The following BRINP2 variants were observed in gnomAD, a reference collection of about 807,000 sequenced individuals.
BRINP2 encodes the protein BMP/retinoic acid-inducible neural-specific protein 2.
BRINP2 carries 21 observed loss-of-function variants against 69.2 expected under a neutral mutation model. The observed-to-expected ratio is 0.30, with a 90% CI of 0.22 to 0.44. BRINP2 has a LOEUF of 0.44. BRINP2 is among the 20% of genes least tolerant of loss of function. The probability of loss-of-function intolerance (pLI) is 1.00; values close to 1 mark genes in which losing one functional copy is unlikely to be tolerated. For synonymous variants in BRINP2, 380 were observed against 394.1 expected (o/e 0.96, Z 0.42); for missense variants, 877 against 986.0 (o/e 0.89, Z 1.48).
At chr1:177,207,739 T>C (rs896940977) in intron 1 of BRINP2, among the ~76,000 whole-genome samples, 6 of 152,174 alleles carry the variant, frequency 3.9e-5, no homozygotes, top group African/African-American at 1.4e-4. Flanking sequence ...TGGTTACAGT[T>C]TCTCTCTGGT....
Position 177,174,246 on chromosome 1 carries a change from T to G in BRINP2, c.-77+2514T>G, listed in dbSNP as rs1401442674. Among the ~76,000 whole-genome samples the G allele has an allele frequency of 3.9e-5, 6 of 152,326 alleles. No homozygotes were observed. The Middle Eastern group carries it at 0.017, about 432-fold the overall frequency. On this transcript the variant is annotated intron_variant, in intron 1 of 7. Coordinates refer to ENST00000361539, the MANE Select transcript of BRINP2 (RefSeq NM_021165.4). ...CACTGCTCCTGAACCAACCCCAGAC[T>G]CCATGGGCTTCTTCTAAGGAATGGT...
chr1:177,191,713 C>T (rs1648601180), intron 1 of BRINP2, among the ~76,000 whole-genome samples: 1 of 152,154 alleles, frequency 6.6e-6, no homozygotes, highest in Non-Finnish European at 1.5e-5. Flanking sequence ...CTCGGCCTCA[C>T]AAAGTGCTGG....
intron 1 of BRINP2, among the ~76,000 whole-genome samples, chr1:177,195,861 A>G (rs1465903549): frequency 6.6e-6 from 1 of 152,134 alleles, no homozygotes; most frequent in Non-Finnish European, 1.5e-5. Context: ...ATAGGCCAAG[A>G]GCAAAAAAAC....
At chr1:177,207,011 T>G (rs1200303713) in intron 1 of BRINP2, among the ~76,000 whole-genome samples, 1 of 152,168 alleles carries the variant, frequency 6.6e-6, no homozygotes, top group African/African-American at 2.4e-5. Context: ...CAGCTAATGA[T>G]TCCACACATA....
At chr1:177,229,249 G>T (rs927766684) in intron 1 of BRINP2, among the ~76,000 whole-genome samples, 6 of 152,178 alleles carry the variant, frequency 3.9e-5, no homozygotes, top group Non-Finnish European at 8.8e-5. Context: ...AGAAGGAAGT[G>T]ATTGCCCACA....
Position 177,278,733 on chromosome 1 carries a change from A to C in BRINP2, c.1183A>C (p.Asn395His), listed in dbSNP as rs779410878. Residue 395 changes from asparagine to histidine, a missense_variant, in exon 7 of 8, where the codon AAC (asparagine) becomes CAC (histidine). Asn to His is a moderately conservative substitution (Grantham distance 68). Coordinates refer to ENST00000361539, the MANE Select transcript of BRINP2 (RefSeq NM_021165.4). Reference protein sequence around the residue: ...KTHRILRRLFNLCKRCHRQPR... With the variant: ...KTHRILRRLFHLCKRCHRQPR... ...CCATCGGATCCTACGCCGGCTCTTC[A>C]ACCTCTGCAAGCGCTGCCATCGCCA... 143 of 1,614,046 alleles carry C rather than the reference A, an allele frequency of 8.9e-5. No homozygotes were observed. Among genetic ancestry groups the C allele is most frequent in the Admixed American group, 2.7e-4 (16 of 59,998 alleles).
intron 1 of BRINP2, among the ~76,000 whole-genome samples, chr1:177,212,542 C>G (rs1438614017): frequency 6.7e-6 from 1 of 148,662 alleles, no homozygotes; most frequent in Non-Finnish European, 1.5e-5. Context: ...AAGACTCTGT[C>G]TCAAAAAAAA....
At chr1:177,175,740 C>A (rs1648070321) in intron 1 of BRINP2, among the ~76,000 whole-genome samples, 1 of 152,222 alleles carries the variant, frequency 6.6e-6, no homozygotes, top group Non-Finnish European at 1.5e-5. Flanking sequence ...ATTCGGGGAA[C>A]AGGTCTCAAA....
intron 2 of BRINP2, among the ~76,000 whole-genome samples, chr1:177,232,173 C>G (rs1220618656): frequency 6.6e-6 from 1 of 152,212 alleles, no homozygotes; most frequent in African/African-American, 2.4e-5. Context: ...TAACACCACT[C>G]TCCACTTCAA....
At chr1:177,200,293 CAAAAAAAAAAA>C (rs35619503) in intron 1 of BRINP2, among the ~76,000 whole-genome samples, 16 of 34,812 alleles carry the variant, frequency 4.6e-4, no homozygotes, top group Admixed American at 1.8e-3. Flanking sequence ...AACTCTGTCT[CAAAAAAAAAAA>C]AAAAAAAAAA....
At chr1:177,279,554 G>A (rs970179462) in intron 7 of BRINP2, among the ~76,000 whole-genome samples, 1 of 152,194 alleles carries the variant, frequency 6.6e-6, no homozygotes, top group Non-Finnish European at 1.5e-5. Flanking sequence ...AGGCAAAGGA[G>A]CTGCCTTCAC....
At chr1:177,196,142 A>G (rs1648736891) in intron 1 of BRINP2, among the ~76,000 whole-genome samples, 1 of 152,232 alleles carries the variant, frequency 6.6e-6, no homozygotes, top group Non-Finnish European at 1.5e-5. Context: ...TGGTCAGGAC[A>G]ATGACTGATA....
intron 4 of BRINP2, among the ~76,000 whole-genome samples, chr1:177,261,017 C>A (rs1650931943): frequency 6.6e-6 from 1 of 151,974 alleles, no homozygotes; most frequent in South Asian, 2.1e-4. Flanking sequence ...TAGGGAAGAC[C>A]TGTCCAAGGA....
At position 177,183,883 on chromosome 1, in the gene BRINP2, C is replaced by T. The variant is rs57639532; in HGVS notation, c.-77+12151C>T. Among the ~76,000 whole-genome samples the T allele has an allele frequency of 9.1e-4, 139 of 152,222 alleles. 2 individuals carry two copies. In the East Asian group the frequency reaches 0.026, roughly 29 times the overall value. The stretch of plus-strand genomic sequence containing the variant: ...CTGAAAAGGGAATCCCACATGTTTT[C>T]CATTACTGCTAGATAGGGAAAAGAG... On this transcript the variant is annotated intron_variant, in intron 1 of 7. Coordinates refer to ENST00000361539, the MANE Select transcript of BRINP2 (RefSeq NM_021165.4).
chr1:177,194,958 A>G (rs761496530), intron 1 of BRINP2, among the ~76,000 whole-genome samples: 3 of 152,134 alleles, frequency 2.0e-5, no homozygotes, highest in Non-Finnish European at 4.4e-5. Context: ...ACTTCTACCC[A>G]TTCATTAATT....
intron 1 of BRINP2, among the ~76,000 whole-genome samples, chr1:177,217,598 A>C (rs897138467): frequency 6.6e-6 from 1 of 152,030 alleles, no homozygotes. Context: ...GTGTTTATGC[A>C]TTTGTGGAGA....
At chr1:177,259,997 T>TAA (rs1473215425) in intron 4 of BRINP2, among the ~76,000 whole-genome samples, 2 of 152,194 alleles carry the variant, frequency 1.3e-5, no homozygotes, top group Non-Finnish European at 2.9e-5. Context: ...TTTTATAAGG[T>TAA]AAAGGCTGCC....
At chr1:177,227,610 G>GT (rs373470878) in intron 1 of BRINP2, among the ~76,000 whole-genome samples, 10,999 of 145,012 alleles carry the variant, frequency 0.076, 489 homozygotes, top group Non-Finnish European at 0.1. Context: ...TTTCAAAAGA[G>GT]TTTTTTTTTT....
At chr1:177,236,023 G>T (rs1484881149) in intron 2 of BRINP2, among the ~76,000 whole-genome samples, 1 of 152,196 alleles carries the variant, frequency 6.6e-6, no homozygotes, top group Non-Finnish European at 1.5e-5. Context: ...ATTTAAATTA[G>T]AGCAAAATTA....
Sources: gnomAD v4.1 joint callset for allele counts (sites outside exome capture counted in the v4.1 genomes callset) on GRCh38, gnomAD v4.1.1 for gene constraint, MANE v1.5 for transcripts, NCBI Gene and HGNC (gene_info 2026-07-23, HGNC 2026-07-21) for gene names.